The following PIP variants were observed in gnomAD, a reference collection of about 807,000 sequenced individuals.
The protein encoded by PIP is prolactin induced protein.
In PIP, 9 loss-of-function variants were observed where a neutral mutation model predicts 12.8. The ratio of observed to expected loss-of-function variants is 0.70; its 90% CI spans 0.42 to 1.23. The LOEUF is 1.23. Among genes scored for constraint, PIP ranks in the 50% most tolerant of loss-of-function variants. The pLI is 0.00. For synonymous variants in PIP, 60 were observed against 66.1 expected (o/e 0.91, Z 0.45); for missense variants, 172 against 179.5 (o/e 0.96, Z 0.24).
chr7:143,135,888 C>A (rs541563364), intron 2 of PIP, among the ~76,000 whole-genome samples: 2 of 152,114 alleles, frequency 1.3e-5, no homozygotes, highest in East Asian at 3.9e-4. Flanking sequence ...AATCTCTGAA[C>A]AAGGTCAGAG....
rs1220122154 is a variant in PIP, at chr7:143,139,526, C to A, written c.325C>A (p.Gln109Lys). 1 of 1,613,354 alleles carries A rather than the reference C, an allele frequency of 6.2e-7. No individual in the cohort carries two copies. Among genetic ancestry groups the A allele is most frequent in the Non-Finnish European group, 8.5e-7 (1 of 1,179,338 alleles). ...YWDFYTNRTVQIAAVVDVIRE... is the reference protein window; with the variant it reads ...YWDFYTNRTVKIAAVVDVIRE... ...GTCCCTGTCTTTTTCAGGAACTGTG[C>A]AAATTGCAGCCGTCGTTGATGTTAT... Residue 109 changes from glutamine to lysine, a missense_variant, in exon 4 of 4, where the codon CAA (glutamine) becomes AAA (lysine). Gln to Lys is a moderately conservative substitution (Grantham distance 53, BLOSUM62 1). Transcript: ENST00000291009.
At chr7:143,134,225 TATATATATAC>T (rs1177782140) in intron 1 of PIP, among the ~76,000 whole-genome samples, 21 of 109,524 alleles carry the variant, frequency 1.9e-4, no homozygotes, top group African/African-American at 5.9e-4. Flanking sequence ...TATATATATA[TATATATATAC>T]CACAGTTTCT....
chr7:143,135,230 G>T lies in PIP; in HGVS notation c.132G>T (p.Lys44Asn). ...TAATAAAGAATTTTGACATTCCCAA[G>T]TCAGTACGTCCAAATGACGAAGTCA... ...KIIIKNFDIPKSVRPNDEVTA... is the reference protein window; with the variant it reads ...KIIIKNFDIPNSVRPNDEVTA... The change falls in exon 2 of 4, where the codon AAG becomes AAT. Residue 44 changes from lysine (K) to asparagine (N), a missense_variant. Coordinates refer to ENST00000291009, the MANE Select transcript of PIP (RefSeq NM_002652.3). 6.3e-7 allele frequency: 1 copy of T among 1,598,972 alleles called. No individual in the cohort carries two copies. Among genetic ancestry groups the T allele is most frequent in the Middle Eastern group, 1.7e-4 (1 of 6,040 alleles).
chr7:143,139,092 T>TA lies in PIP; in HGVS notation c.220dup (p.Ser74LysfsTer10), dbSNP rs774154493. The TA allele has an allele frequency of 8.9e-6, 14 of 1,577,610 alleles. No individual in the cohort carries two copies. Among genetic ancestry groups the TA allele is most frequent in the Non-Finnish European group, 1.2e-5 (14 of 1,146,394 alleles). On this transcript the variant is annotated frameshift_variant, in exon 3 of 4. Coordinates refer to ENST00000291009, the MANE Select transcript of PIP (RefSeq NM_002652.3). LOFTEE classifies it high-confidence loss of function. ...CTCACCAGGTTAAAACTTACCTCATTAGCAGCATCCCTCTACAAGGTGCAT... is the reference window on the plus strand; with the variant it reads ...CTCACCAGGTTAAAACTTACCTCATTAAGCAGCATCCCTCTACAAGGTGCAT...
At chr7:143,134,575 C>T (rs532190128) in intron 1 of PIP, among the ~76,000 whole-genome samples, 10 of 151,658 alleles carry the variant, frequency 6.6e-5, no homozygotes, top group Non-Finnish European at 1.3e-4. Flanking sequence ...AAGGTGGTAT[C>T]GCATTGTGGT....
At chr7:143,135,051 G>T in intron 1 of PIP, 143 bp from the exon 2 acceptor site, 1 of 493,446 alleles carries the variant, frequency 2.0e-6, no homozygotes. Flanking sequence ...AATTCCAGGG[G>T]ATTCCAATGC....
chr7:143,136,258 C>G (rs1799308871), intron 2 of PIP, among the ~76,000 whole-genome samples: 1 of 152,038 alleles, frequency 6.6e-6, no homozygotes, highest in Middle Eastern at 3.2e-3. Context: ...CTCCCATCTC[C>G]CCTACTCCCT....
intron 2 of PIP, 119 bp from the exon 3 acceptor site, chr7:143,138,956 G>A (rs1036759742): frequency 6.0e-6 from 4 of 671,492 alleles, no homozygotes; most frequent in Non-Finnish European, 5.4e-6. Context: ...ACTCCCCCTT[G>A]CCCTAGGCCC....
chr7:143,133,329 G>A (rs1169098553), intron 1 of PIP, among the ~76,000 whole-genome samples: 2 of 151,930 alleles, frequency 1.3e-5, no homozygotes, highest in African/African-American at 4.8e-5. Flanking sequence ...ATATACAAAT[G>A]GGAGAGATTT....
At chr7:143,134,790 C>T (rs1403650198) in intron 1 of PIP, among the ~76,000 whole-genome samples, 1 of 151,792 alleles carries the variant, frequency 6.6e-6, no homozygotes, top group Non-Finnish European at 1.5e-5. Flanking sequence ...GAAGAAGATG[C>T]TCGTTCATTG....
rs1277832613 is a variant in PIP, at chr7:143,134,233, T to TAA, written c.96-960_96-959insAA. ...ATATATATATATATATATATATATATACCACAGTTTCTTTATCCACTCGTT... is the reference window on the plus strand; with the variant it reads ...ATATATATATATATATATATATATATAAACCACAGTTTCTTTATCCACTCGTT... On this transcript the variant is annotated intron_variant, in intron 1 of 3. Transcript: ENST00000291009. Among the ~76,000 whole-genome samples, 121 of 86,378 alleles carry TAA rather than the reference T, an allele frequency of 1.4e-3. 2 individuals are homozygous for TAA. The highest frequency in any genetic ancestry group is 4.9e-3 in the African/African-American group (105 of 21,540). 56.7% of individuals were successfully genotyped at this position (86,378 alleles called of 152,430 possible). A position where few individuals can be genotyped will look rare whatever the true frequency, so the allele number is the denominator to read the frequency against.
Position 143,139,717 on chromosome 7 carries a change from A to C in PIP, c.*75A>C. The C allele has an allele frequency of 3.4e-6, 5 of 1,451,458 alleles. No individual in the cohort carries two copies. Among genetic ancestry groups the C allele is most frequent in the Non-Finnish European group, 4.8e-6 (5 of 1,048,082 alleles). The allele number at this position is 1,451,458 out of a possible 1,614,324, so 89.9% of individuals were successfully genotyped here. A position where few individuals can be genotyped will look rare whatever the true frequency, so the allele number is the denominator to read the frequency against. On this transcript the variant is annotated 3_prime_UTR_variant, in exon 4 of 4. Transcript: ENST00000291009. Reference sequence around the variant, plus strand: ...TTGGCTGGAATTTCTGCTGTGGTCTATAAAATAAACTTCTTAACATGCTTC... The same window carrying C: ...TTGGCTGGAATTTCTGCTGTGGTCTCTAAAATAAACTTCTTAACATGCTTC...
rs746633896 is a variant in PIP at position 143,139,500 on chromosome 7, C to A, written c.317-18C>A. 5 of 1,612,618 alleles carry A rather than the reference C, an allele frequency of 3.1e-6. No homozygotes were observed. The highest frequency in any genetic ancestry group is 4.2e-6 in the Non-Finnish European group (5 of 1,178,772). On this transcript the variant is annotated intron_variant, in intron 3 of 3. Coordinates refer to ENST00000291009, the MANE Select transcript of PIP (RefSeq NM_002652.3). ...GCCGGGGTGTCTGAGAGATGATCTC[C>A]GTCCCTGTCTTTTTCAGGAACTGTG...
At position 143,139,657 on chromosome 7, in the gene PIP, G is replaced by A. The variant is rs757008268; in HGVS notation, c.*15G>A. On this transcript the variant is annotated 3_prime_UTR_variant, in exon 4 of 4. Coordinates refer to ENST00000291009, the MANE Select transcript of PIP (RefSeq NM_002652.3). ...AGGTAGAATAATGGAAGCCCTGTCT[G>A]TTTGCCACACCCAGGTGATTTCCTC... is the stretch of plus-strand genomic sequence containing the variant. 4 of 1,601,788 alleles carry A rather than the reference G, an allele frequency of 2.5e-6. No homozygotes were observed. Among genetic ancestry groups the A allele is most frequent in the Non-Finnish European group, 3.4e-6 (4 of 1,170,178 alleles).
chr7:143,135,096 C>T, intron 1 of PIP, 98 bp from the exon 2 acceptor site: 1 of 593,520 alleles, frequency 1.7e-6, no homozygotes, highest in Non-Finnish European at 3.1e-6. Context: ...ATTTCCCTCC[C>T]TTGCCCATCC....
intron 1 of PIP, among the ~76,000 whole-genome samples, chr7:143,134,058 A>G (rs1799272285): frequency 6.6e-6 from 1 of 150,968 alleles, no homozygotes; most frequent in South Asian, 2.1e-4. Flanking sequence ...TATCAGTGAG[A>G]ACATACGATG....
Position 143,139,162 on chromosome 7 carries a change from A to C in PIP, c.289A>C (p.Thr97Pro). ...TACLCDDNPK[T>P]FYWDFYTNRT... The stretch of plus-strand genomic sequence containing the variant: ...CTGCCTATGTGACGACAATCCAAAA[A>C]CCTTCTACTGGGACTTTTACACCAA... Residue 97 changes from threonine (T) to proline (P), a missense_variant, in exon 3 of 4, where the codon ACC becomes CCC. By Grantham distance (38) the Thr-to-Pro change is conservative. Transcript: ENST00000291009. 1.3e-6 allele frequency: 2 copies of C among 1,594,852 alleles called. No homozygotes were observed. Among genetic ancestry groups the C allele is most frequent in the Non-Finnish European group, 1.7e-6 (2 of 1,162,214 alleles).
intron 2 of PIP, among the ~76,000 whole-genome samples, chr7:143,138,797 C>G (rs573132727): frequency 3.3e-5 from 5 of 152,316 alleles, no homozygotes; most frequent in Admixed American, 3.3e-4. Context: ...GACAGCTGCC[C>G]TGGATGAGCT....
At chr7:143,135,395 T>A in intron 2 of PIP, 96 bp downstream of exon 2, 1 of 573,704 alleles carries the variant, frequency 1.7e-6, no homozygotes, top group Non-Finnish European at 3.2e-6. Flanking sequence ...TACAGTGTAC[T>A]TAATGAAACA....
Sources: gnomAD v4.1 joint callset for allele counts (sites outside exome capture counted in the v4.1 genomes callset) on GRCh38, gnomAD v4.1.1 for gene constraint, MANE v1.5 for transcripts, NCBI Gene and HGNC (gene_info 2026-07-23, HGNC 2026-07-21) for gene names.